The following C2orf76 variants were observed in gnomAD, a reference collection of about 807,000 sequenced individuals.
C2orf76 encodes the protein UPF0538 protein C2orf76.
In C2orf76, 23 loss-of-function variants were observed where a neutral mutation model predicts 16.9. That is an observed-to-expected ratio of 1.36 (90% confidence interval 0.98 to 1.93). C2orf76 has a LOEUF of 1.93. C2orf76 is among the 30% of genes most tolerant of loss of function. The pLI, the probability that C2orf76 is intolerant of heterozygous loss-of-function variation, is 0.00. For missense variants in C2orf76, 152 were observed against 152.6 expected (o/e 1.00, Z 0.02); for synonymous variants, 48 against 52.3 (o/e 0.92, Z 0.35).
intron 1 of C2orf76, among the ~76,000 whole-genome samples, chr2:119,362,802 C>T (rs1360608490): frequency 6.6e-6 from 1 of 152,150 alleles, no homozygotes; most frequent in Non-Finnish European, 1.5e-5. Context: ...GCCCTAACCA[C>T]CCCCAGCCCA....
upstream of C2orf76, chr2:119,366,915 C>G: frequency 8.7e-7 from 1 of 1,149,706 alleles, no homozygotes; most frequent in South Asian, 1.4e-5. Flanking sequence ...TTCTGATTGG[C>G]TTTCCGGTGC....
At chr2:119,305,917 A>T (rs2104534129) in intron 5 of C2orf76, among the ~76,000 whole-genome samples, 1 of 149,280 alleles carries the variant, frequency 6.7e-6, no homozygotes, top group South Asian at 2.1e-4. Flanking sequence ...TGAAGAAAAC[A>T]ACTAGCCAAA....
chr2:119,353,076 T>C (rs1382194388), intron 1 of C2orf76, among the ~76,000 whole-genome samples: 5 of 152,160 alleles, frequency 3.3e-5, no homozygotes, highest in Admixed American at 1.3e-4. Flanking sequence ...TCACTGAATA[T>C]GCAAATGATT....
chr2:119,282,851 G>A, the C2orf76 span, among the ~76,000 whole-genome samples: 1 of 152,148 alleles, frequency 6.6e-6, no homozygotes, highest in Non-Finnish European at 1.5e-5. Flanking sequence ...ATGGGCAATC[G>A]GGTGGAAGCA....
intron 1 of C2orf76, among the ~76,000 whole-genome samples, chr2:119,349,936 T>C (rs1680330713): frequency 6.6e-6 from 1 of 152,114 alleles, no homozygotes; most frequent in African/African-American, 2.4e-5. Context: ...CTTTTTAAAA[T>C]TGTTAATTTT....
rs906270293 is a variant in C2orf76 at position 119,348,382 on chromosome 2, C to T, written c.-12-8411G>A. ...AACTTTGAAAGATGGCCATGACATACCAGTGAGTAAAAAAACAACTTAGGC... is the reference window on the plus strand; with the variant it reads ...AACTTTGAAAGATGGCCATGACATATCAGTGAGTAAAAAAACAACTTAGGC... On this transcript the variant is annotated intron_variant, in intron 1 of 5. Coordinates refer to ENST00000334816, the MANE Select transcript of C2orf76 (RefSeq NM_001322331.2). Among the ~76,000 whole-genome samples the T allele has an allele frequency of 2.0e-5, 3 of 152,280 alleles. No individual in the cohort carries two copies. In the East Asian group the frequency reaches 5.8e-4, roughly 29 times the overall value.
At chr2:119,286,209 A>G in the C2orf76 span, among the ~76,000 whole-genome samples, 1 of 135,298 alleles carries the variant, frequency 7.4e-6, no homozygotes, top group Admixed American at 8.0e-5. Flanking sequence ...CTGGTGACAG[A>G]GCAGGACTCC....
At chr2:119,326,716 T>C (rs1356140805) in intron 2 of C2orf76, among the ~76,000 whole-genome samples, 2 of 152,236 alleles carry the variant, frequency 1.3e-5, no homozygotes, top group South Asian at 2.1e-4. Context: ...TACCTCTCCA[T>C]TTACTTAGGT....
At chr2:119,318,232 A>C (rs1679235813) in intron 3 of C2orf76, among the ~76,000 whole-genome samples, 1 of 152,228 alleles carries the variant, frequency 6.6e-6, no homozygotes. Flanking sequence ...CAGCCATTCA[A>C]CAGGTTGAAA....
chr2:119,318,259 T>C (rs963667357), intron 3 of C2orf76, among the ~76,000 whole-genome samples: 1 of 152,362 alleles, frequency 6.6e-6, no homozygotes, highest in South Asian at 2.1e-4. Context: ...AAGTTTCCGA[T>C]TCTTCACTCG....
At chr2:119,358,107 G>T (rs1379559881) in intron 1 of C2orf76, among the ~76,000 whole-genome samples, 1 of 152,196 alleles carries the variant, frequency 6.6e-6, no homozygotes, top group African/African-American at 2.4e-5. Flanking sequence ...TTAAGTGACA[G>T]GAGGAGTTGT....
At chr2:119,366,341 C>T (rs922735660) in intron 1 of C2orf76, 3 of 451,690 alleles carry the variant, frequency 6.6e-6, no homozygotes, top group African/African-American at 2.0e-5. Flanking sequence ...AGACACCGTC[C>T]CTGCCTTTAA....
At chr2:119,320,779 C>T (rs1470862725) in intron 3 of C2orf76, among the ~76,000 whole-genome samples, 5 of 152,132 alleles carry the variant, frequency 3.3e-5, no homozygotes, top group African/African-American at 1.2e-4. Context: ...TAGCTTCTTA[C>T]CTTATTACTC....
At chr2:119,340,781 C>CACACAG (rs1246316609) in intron 1 of C2orf76, among the ~76,000 whole-genome samples, 1 of 151,584 alleles carries the variant, frequency 6.6e-6, no homozygotes, top group African/African-American at 2.4e-5. Flanking sequence ...CACACACACA[C>CACACAG]ACACACACAC....
intron 1 of C2orf76, among the ~76,000 whole-genome samples, chr2:119,342,882 T>C (rs557634702): frequency 2.6e-5 from 4 of 151,948 alleles, no homozygotes; most frequent in Non-Finnish European, 4.4e-5. Flanking sequence ...TGCCTCAGCC[T>C]CGTCAGCCTC....
At chr2:119,344,416 C>T (rs1263155053) in intron 1 of C2orf76, among the ~76,000 whole-genome samples, 1 of 152,070 alleles carries the variant, frequency 6.6e-6, no homozygotes, top group East Asian at 1.9e-4. Flanking sequence ...TAAAAATAAA[C>T]TTCAGGATAA....
chr2:119,358,107 G>A (rs1379559881), intron 1 of C2orf76, among the ~76,000 whole-genome samples: 1 of 152,196 alleles, frequency 6.6e-6, no homozygotes, highest in East Asian at 1.9e-4. Flanking sequence ...TTAAGTGACA[G>A]GAGGAGTTGT....
the C2orf76 span, among the ~76,000 whole-genome samples, chr2:119,285,007 GGC>G: frequency 6.6e-6 from 1 of 152,120 alleles, no homozygotes; most frequent in East Asian, 1.9e-4. Context: ...CCAGGATTGT[GGC>G]GGAGATCAGA....
chr2:119,289,174 C>T, the C2orf76 span, among the ~76,000 whole-genome samples: 2 of 152,056 alleles, frequency 1.3e-5, no homozygotes, highest in African/African-American at 4.8e-5. Context: ...CAGGTCCCAA[C>T]GCATTTCTAG....
Sources: allele counts gnomAD v4.1 joint callset (sites outside exome capture counted in the v4.1 genomes callset), GRCh38; gene constraint gnomAD v4.1.1; transcripts MANE v1.5; gene names NCBI Gene and HGNC (gene_info 2026-07-23, HGNC 2026-07-21).